RPGRIP1L: variants seen among roughly 807,000 people sequenced by gnomAD.
RPGRIP1L encodes the protein protein fantom.
In RPGRIP1L, 131 loss-of-function variants were observed where a neutral mutation model predicts 160.4. The ratio of observed to expected loss-of-function variants is 0.82; its 90% confidence interval spans 0.71 to 0.94. The LOEUF is 0.94. RPGRIP1L is among the 40% of genes least tolerant of loss of function. RPGRIP1L has a pLI of 0.00. For synonymous variants in RPGRIP1L, 510 were observed against 515.8 expected (o/e 0.99, Z 0.15); for missense variants, 1,522 against 1,535.8 (o/e 0.99, Z 0.15).
chr16:53,615,762 A>T (rs889426323), intron 24 of RPGRIP1L, among the ~76,000 whole-genome samples: 5 of 150,790 alleles, frequency 3.3e-5, no homozygotes, highest in African/African-American at 1.2e-4. Flanking sequence ...CTATGCCAGG[A>T]CGACTTTTGT....
chr16:53,698,748 C>A (rs1279545840), intron 2 of RPGRIP1L, among the ~76,000 whole-genome samples: 1 of 149,458 alleles, frequency 6.7e-6, no homozygotes, highest in South Asian at 2.1e-4. Flanking sequence ...GGCCAGCCGC[C>A]CCGTCTGGGA....
intron 10 of RPGRIP1L, chr16:53,659,600 GGGTT>G (rs1967591785): frequency 6.6e-6 from 1 of 152,148 alleles, no homozygotes; most frequent in Non-Finnish European, 1.5e-5. Context: ...TAATTCATAT[GGGTT>G]GGGCATCGTG....
At chr16:53,669,780 G>A (rs891748474) in intron 9 of RPGRIP1L, among the ~76,000 whole-genome samples, 1 of 152,156 alleles carries the variant, frequency 6.6e-6, no homozygotes, top group African/African-American at 2.4e-5. Flanking sequence ...TAACAGTTCT[G>A]TTATTCCATG....
In RPGRIP1L at chr16:53,658,782, A is replaced by G. The variant is rs138155747; in HGVS notation, c.1340T>C (p.Leu447Ser). 4.2e-3 allele frequency: 6,708 copies of G among 1,593,768 alleles called. 20 individuals are homozygous for G. Among genetic ancestry groups the G allele is most frequent in the Non-Finnish European group, 4.9e-3 (5,709 of 1,165,372 alleles). Reference sequence around the variant, plus strand: ...AAGGAAATAATTCACCTGGTTGTACAATTTTATGCGTTTTTTAAGTTCATC... The same window carrying G: ...AAGGAAATAATTCACCTGGTTGTACGATTTTATGCGTTTTTTAAGTTCATC... ...QLDELKKRIK[L>S]YNQENDINAD... Residue 447 changes from leucine (L) to serine (S), a missense_variant, in exon 11 of 27, where the codon TTG becomes TCG. Physicochemically the swap from Leu to Ser is moderately radical, Grantham distance 145. Transcript: ENST00000647211.
At position 53,645,996 on chromosome 16, in the gene RPGRIP1L, T is replaced by C. The variant is rs1211013178; in HGVS notation, c.2312A>G (p.Gln771Arg). The change falls in exon 17 of 27, where the codon CAG becomes CGG. Residue 771 changes from glutamine to arginine, a missense_variant. By Grantham distance (43) the Gln-to-Arg change is conservative (BLOSUM62 1). Coordinates refer to ENST00000647211, the MANE Select transcript of RPGRIP1L (RefSeq NM_015272.5). ...KGPEHMQSLS[Q>R]QAPKTAQLSS... ...GAGTTGAGCAGTTTTGGGTGCTTGC[T>C]GACTTAACTGGAAAAACATACATAT... The C allele has an allele frequency of 6.2e-7, 1 of 1,613,976 alleles. No homozygotes were observed. The highest frequency in any genetic ancestry group is 8.5e-7 in the Non-Finnish European group (1 of 1,179,860).
At chr16:53,647,258 C>T (rs1023838241) in intron 16 of RPGRIP1L, among the ~76,000 whole-genome samples, 4 of 152,166 alleles carry the variant, frequency 2.6e-5, no homozygotes, top group Non-Finnish European at 5.9e-5. Flanking sequence ...AACTGAAAGT[C>T]ATAGAAACTA....
In RPGRIP1L at chr16:53,637,837, A is replaced by G. The variant is rs1207172269; in HGVS notation, c.3078T>C (p.Ser1026=). ...PHVPKVSQEG[S]VDEVKENTEK... Reference sequence around the variant, plus strand: ...CAGTATTCTCTTTTACCTCATCTACACTGCCTTCTTGTGAAACCTGAAGAA... The same window carrying G: ...CAGTATTCTCTTTTACCTCATCTACGCTGCCTTCTTGTGAAACCTGAAGAA... Residue 1026 remains serine (S), a synonymous_variant, in exon 21 of 27, where the codon AGT becomes AGC. Transcript: ENST00000647211. The G allele has an allele frequency of 1.2e-6, 2 of 1,613,116 alleles. No homozygotes were observed. Among genetic ancestry groups the G allele is most frequent in the Admixed American group, 1.7e-5 (1 of 59,980 alleles).
chr16:53,660,274 C>T (rs1253188223), intron 10 of RPGRIP1L, among the ~76,000 whole-genome samples: 3 of 152,156 alleles, frequency 2.0e-5, no homozygotes, highest in Non-Finnish European at 4.4e-5. Flanking sequence ...CAATTTCATC[C>T]TGCTCTCAAC....
At chr16:53,660,068 A>G (rs985817227) in intron 10 of RPGRIP1L, among the ~76,000 whole-genome samples, 3 of 152,088 alleles carry the variant, frequency 2.0e-5, no homozygotes, top group Admixed American at 2.0e-4. Context: ...AAAGAGACTA[A>G]TTTTTCACTC....
rs992985963 is a variant in RPGRIP1L at position 53,599,783 on chromosome 16, A to G, written c.*2293T>C. The G allele has an allele frequency of 6.6e-6, 1 of 152,244 alleles. No individual in the cohort carries two copies. Among genetic ancestry groups the G allele is most frequent in the African/African-American group, 2.4e-5 (1 of 41,468 alleles). 9.4% of individuals were successfully genotyped at this position (152,244 alleles called of 1,614,324 possible). On this transcript the variant is annotated 3_prime_UTR_variant, in exon 27 of 27. Coordinates refer to ENST00000647211, the MANE Select transcript of RPGRIP1L (RefSeq NM_015272.5). ...AACAAACAAAATTCTCAAACAGATT[A>G]TGAAACCCAACTGAAGTATCCACAT...
At chr16:53,697,345 G>A (rs1598423425) in intron 2 of RPGRIP1L, among the ~76,000 whole-genome samples, 3 of 148,484 alleles carry the variant, frequency 2.0e-5, no homozygotes, top group South Asian at 2.2e-4. Flanking sequence ...CTCTCCCCAC[G>A]GTCTCCCTCT....
chr16:53,609,292 C>T (rs1479206549), intron 25 of RPGRIP1L, among the ~76,000 whole-genome samples: 1 of 151,998 alleles, frequency 6.6e-6, no homozygotes, highest in African/African-American at 2.4e-5. Flanking sequence ...GATGGGGAGT[C>T]TCACTATGTT....
At chr16:53,671,216 G>A (rs1968690801) in intron 9 of RPGRIP1L, among the ~76,000 whole-genome samples, 1 of 152,128 alleles carries the variant, frequency 6.6e-6, no homozygotes, top group Non-Finnish European at 1.5e-5. Flanking sequence ...AACAATAAAT[G>A]TAGAGTATCT....
intron 22 of RPGRIP1L, chr16:53,635,588 G>C (rs1403117913): frequency 6.6e-6 from 1 of 152,330 alleles, no homozygotes; most frequent in Non-Finnish European, 1.5e-5. Context: ...GCTTCCCAGA[G>C]TGTTGGGATT....
intron 21 of RPGRIP1L, among the ~76,000 whole-genome samples, chr16:53,636,987 C>T (rs1598289489): frequency 7.0e-6 from 1 of 142,186 alleles, no homozygotes; most frequent in Admixed American, 7.0e-5. Context: ...CACACACACA[C>T]TCTTTAATTA....
intron 15 of RPGRIP1L, among the ~76,000 whole-genome samples, chr16:53,651,937 CTTAAA>C (rs142223215): frequency 0.057 from 8,583 of 151,792 alleles, 408 homozygotes; most frequent in African/African-American, 0.13. Context: ...TTATTATGAA[CTTAAA>C]TTACAGTTCA....
rs773136691 is a variant in RPGRIP1L, at chr16:53,601,645, A to G, written c.*431T>C. On this transcript the variant is annotated 3_prime_UTR_variant, in exon 27 of 27. Coordinates refer to ENST00000647211, the MANE Select transcript of RPGRIP1L (RefSeq NM_015272.5). ...CAGTATAAAACTCTTAATGAAGCTA[A>G]TCATAGGCATTCCATTTAGTGGGAC... The G allele has an allele frequency of 2.7e-5, 5 of 188,212 alleles. No individual in the cohort carries two copies. The highest frequency in any genetic ancestry group is 4.6e-5 in the Non-Finnish European group (4 of 87,912). The allele number at this position is 188,212 out of a possible 1,614,324, so 11.7% of individuals were successfully genotyped here.
chr16:53,701,276 C>A (rs746037281), intron 1 of RPGRIP1L, among the ~76,000 whole-genome samples: 65 of 152,084 alleles, frequency 4.3e-4, no homozygotes, highest in Admixed American at 1.4e-3. Context: ...AATGAGTGGG[C>A]AGTTCTGTGC....
chr16:53,628,591 GTTGA>G (rs1368148439), intron 22 of RPGRIP1L: 1 of 152,098 alleles, frequency 6.6e-6, no homozygotes, highest in Non-Finnish European at 1.5e-5. Flanking sequence ...TTTAACAACT[GTTGA>G]TTATTTAAAA....
Sources: allele counts gnomAD v4.1 joint callset (sites outside exome capture counted in the v4.1 genomes callset), GRCh38; gene constraint gnomAD v4.1.1; transcripts MANE v1.5; gene names NCBI Gene and HGNC (gene_info 2026-07-23, HGNC 2026-07-21).